The following NUP98 variants were observed in gnomAD, a reference collection of about 807,000 sequenced individuals.
NUP98 encodes nucleoporin 98 and 96 precursor.
NUP98 carries 26 observed loss-of-function variants against 191.9 expected under a neutral mutation model. That is an observed-to-expected ratio of 0.14 (90% CI 0.10 to 0.19). NUP98 has a LOEUF of 0.19. Among genes scored for constraint, NUP98 ranks in the 10% least tolerant of loss-of-function variants. NUP98 has a pLI of 1.00. For synonymous variants in NUP98, 808 were observed against 778.4 expected (o/e 1.04, Z -0.63); for missense variants, 1,941 against 2,178.8 (o/e 0.89, Z 2.17).
At chr11:3,781,939 T>C in intron 2 of NUP98, 103 bp downstream of exon 2, 1 of 630,914 alleles carries the variant, frequency 1.6e-6, no homozygotes, top group South Asian at 2.5e-5. Flanking sequence ...GTTATAAATA[T>C]GAAAGTAAAA....
At chr11:3,754,218 A>G (rs2134451468) in intron 10 of NUP98, among the ~76,000 whole-genome samples, 1 of 151,886 alleles carries the variant, frequency 6.6e-6, no homozygotes, top group East Asian at 2.0e-4. Context: ...CATGAGGTCA[A>G]GAGTTCGAGA....
intron 12 of NUP98, 62 bp from the exon 13 acceptor site, chr11:3,735,386 C>A: frequency 1.1e-6 from 1 of 914,578 alleles, no homozygotes; most frequent in East Asian, 3.4e-5. Context: ...GGATACAATG[C>A]ATTTGTAACA....
At chr11:3,762,131 CAG>C (rs1484863155) in intron 9 of NUP98, among the ~76,000 whole-genome samples, 3 of 152,072 alleles carry the variant, frequency 2.0e-5, no homozygotes, top group Non-Finnish European at 2.9e-5. Context: ...TTTTTTAAGA[CAG>C]AGTTTTGCTC....
Position 3,738,688 on chromosome 11 carries a change from A to C in NUP98, c.1409-3364T>G, listed in dbSNP as rs1378175124. Among the ~76,000 whole-genome samples, 11 of 146,292 alleles carry C rather than the reference A, an allele frequency of 7.5e-5. No individual in the cohort carries two copies. In the Admixed American group the frequency reaches 7.7e-4, roughly 10 times the overall value. ...CAGCTACGCAGGAGGCTGAGACAGGAGAATTGTCTGAACCCAGAGGCAGAG... is the reference window on the plus strand; with the variant it reads ...CAGCTACGCAGGAGGCTGAGACAGGCGAATTGTCTGAACCCAGAGGCAGAG... On this transcript the variant is annotated intron_variant, in intron 12 of 32. Coordinates refer to ENST00000324932, the MANE Select transcript of NUP98 (RefSeq NM_016320.5).
intron 1 of NUP98, among the ~76,000 whole-genome samples, chr11:3,795,779 A>G (rs1206039206): frequency 6.6e-6 from 1 of 152,234 alleles, no homozygotes; most frequent in Non-Finnish European, 1.5e-5. Context: ...GCTTCCCAGA[A>G]GAGGGTGATG....
At chr11:3,687,611 A>G (rs1223011654) in intron 28 of NUP98, among the ~76,000 whole-genome samples, 1 of 152,242 alleles carries the variant, frequency 6.6e-6, no homozygotes, top group Non-Finnish European at 1.5e-5. Flanking sequence ...GGTCAATATG[A>G]TTGCTAAACT....
chr11:3,765,325 T>C (rs2081300819), intron 8 of NUP98, among the ~76,000 whole-genome samples: 1 of 152,364 alleles, frequency 6.6e-6, no homozygotes, highest in Non-Finnish European at 1.5e-5. Context: ...CTCAGCCTCC[T>C]GAGTAGCTGG....
chr11:3,681,639 C>T (rs1344598634), intron 30 of NUP98, among the ~76,000 whole-genome samples: 8 of 151,802 alleles, frequency 5.3e-5, no homozygotes, highest in African/African-American at 1.9e-4. Flanking sequence ...CAGGTTTCAA[C>T]AGTGGGCTTA....
chr11:3,735,285 A>ACAGCCTGCT lies in NUP98; in HGVS notation c.1439_1447dup (p.Ala482_Val483insGluGlnAla). 1 of 1,581,782 alleles carries ACAGCCTGCT rather than the reference A, an allele frequency of 6.3e-7. No individual in the cohort carries two copies. Among genetic ancestry groups the ACAGCCTGCT allele is most frequent in the Non-Finnish European group, 8.6e-7 (1 of 1,161,636 alleles). On this transcript the variant is annotated inframe_insertion, in exon 13 of 33. Transcript: ENST00000324932. ...TAGACTATTGATGTGCTGCTGGAGA[A>ACAGCCTGCT]CAGCCTGCTGGGCAGCAGAAGCATT...
At chr11:3,781,629 T>C (rs1279886062) in intron 2 of NUP98, among the ~76,000 whole-genome samples, 3 of 152,044 alleles carry the variant, frequency 2.0e-5, no homozygotes, top group African/African-American at 7.2e-5. Context: ...GGAGGGTTGA[T>C]GGGAATTAGA....
At chr11:3,677,410 GT>G (rs372075323) in intron 31 of NUP98, among the ~76,000 whole-genome samples, 1,672 of 130,758 alleles carry the variant, frequency 0.013, 23 homozygotes, top group African/African-American at 0.036. Flanking sequence ...TGTAACATAG[GT>G]TTTTTTTTTT....
At chr11:3,696,230 G>A (rs117630571) in intron 25 of NUP98, among the ~76,000 whole-genome samples, 2,732 of 152,118 alleles carry the variant, frequency 0.018, 41 homozygotes, top group Non-Finnish European at 0.026. Context: ...CACTGGGCAC[G>A]GTGGCTCACA....
At chr11:3,782,219 T>C (rs2081992320) in intron 1 of NUP98, 74 bp from the exon 2 acceptor site, 3 of 796,608 alleles carry the variant, frequency 3.8e-6, no homozygotes, top group Non-Finnish European at 6.1e-6. Context: ...AAATCTATCA[T>C]TCCACAAACT....
At position 3,765,277 on chromosome 11, in the gene NUP98, C is replaced by T. The variant is rs371474119; in HGVS notation, c.949-2238G>A. 6.6e-5 allele frequency among the ~76,000 whole-genome samples: 10 copies of T among 152,242 alleles called. No homozygotes were observed. In the East Asian group the frequency reaches 1.9e-3, roughly 29 times the overall value. On this transcript the variant is annotated intron_variant, in intron 8 of 32. Coordinates refer to ENST00000324932, the MANE Select transcript of NUP98 (RefSeq NM_016320.5). The stretch of plus-strand genomic sequence containing the variant: ...TATTCATAGCCACGATCATAGTGCA[C>T]CACAGCTTCTAACTCATGACCTCAA...
chr11:3,716,903 C>T (rs1048452832), intron 18 of NUP98, among the ~76,000 whole-genome samples: 2 of 152,058 alleles, frequency 1.3e-5, no homozygotes, highest in Non-Finnish European at 2.9e-5. Flanking sequence ...TTCTGAAATT[C>T]TATATGGATT....
rs140651300 is a variant in NUP98, at chr11:3,769,631, G to T, written c.785-887C>A. Reference sequence around the variant, plus strand: ...AACTAAATCATGGAATATCAAGATTGAAAAGTACGTTAGGCTGGACATGGT... The same window carrying T: ...AACTAAATCATGGAATATCAAGATTTAAAAGTACGTTAGGCTGGACATGGT... On this transcript the variant is annotated intron_variant, in intron 7 of 32. Transcript: ENST00000324932. Among the ~76,000 whole-genome samples, 149 of 147,822 alleles carry T rather than the reference G, an allele frequency of 1.0e-3. 1 individual carries two copies. Among genetic ancestry groups the T allele is most frequent in the African/African-American group, 3.6e-3 (144 of 40,218 alleles).
chr11:3,705,046 T>C (rs1452359581), intron 22 of NUP98, among the ~76,000 whole-genome samples, 154 bp downstream of exon 22: 1 of 152,194 alleles, frequency 6.6e-6, no homozygotes, highest in East Asian at 1.9e-4. Context: ...TGAATACTTA[T>C]AAGTACAATT....
At chr11:3,733,001 G>A (rs1422554476) in intron 13 of NUP98, among the ~76,000 whole-genome samples, 1 of 152,126 alleles carries the variant, frequency 6.6e-6, no homozygotes, top group Non-Finnish European at 1.5e-5. Context: ...ATTCATCCAA[G>A]CATCTATGAT....
intron 16 of NUP98, among the ~76,000 whole-genome samples, chr11:3,721,815 C>T (rs1465354297): frequency 1.3e-5 from 2 of 152,106 alleles, no homozygotes; most frequent in Non-Finnish European, 2.9e-5. Context: ...AGTAGTGGAA[C>T]GCTGGTGTGC....
Sources: gnomAD v4.1 joint callset for allele counts (sites outside exome capture counted in the v4.1 genomes callset) on GRCh38, gnomAD v4.1.1 for gene constraint, MANE v1.5 for transcripts, NCBI Gene and HGNC (gene_info 2026-07-23, HGNC 2026-07-21) for gene names.